MYOM1: variants seen among roughly 807,000 people sequenced by gnomAD.
MYOM1 encodes myomesin-1.
MYOM1 carries 164 observed loss-of-function variants against 205.3 expected under a neutral mutation model. The observed-to-expected ratio is 0.80, with a 90% CI of 0.70 to 0.91. The LOEUF (loss-of-function observed/expected upper bound fraction) is 0.91, where lower values mean the gene tolerates loss of function less well. Among genes scored for constraint, MYOM1 ranks in the 40% least tolerant of loss-of-function variants. The pLI is 0.00. For synonymous variants in MYOM1, 772 were observed against 789.4 expected, an observed-to-expected ratio of 0.98 and a Z score of 0.37; for missense variants, 2,011 against 2,127.3, an observed-to-expected ratio of 0.95 and a Z score of 1.08.
intron 13 of MYOM1, among the ~76,000 whole-genome samples, chr18:3,145,116 C>T (rs1194331433): frequency 6.6e-6 from 1 of 152,106 alleles, no homozygotes; most frequent in Non-Finnish European, 1.5e-5. Flanking sequence ...CGAGACCAGC[C>T]TGGCCAACAT....
chr18:3,111,635 T>C (rs1360357518), intron 22 of MYOM1, among the ~76,000 whole-genome samples: 2 of 152,182 alleles, frequency 1.3e-5, no homozygotes, highest in African/African-American at 2.4e-5. Context: ...CACAGGAAAA[T>C]TATACAAGAT....
chr18:3,073,775 C>T (rs1030850647), intron 36 of MYOM1, among the ~76,000 whole-genome samples: 1 of 152,220 alleles, frequency 6.6e-6, no homozygotes, highest in South Asian at 2.1e-4. Flanking sequence ...GAATTTGCAC[C>T]TTATGCAGGG....
chr18:3,171,444 C>T (rs1432475695), intron 8 of MYOM1, among the ~76,000 whole-genome samples: 3 of 152,142 alleles, frequency 2.0e-5, no homozygotes, highest in Non-Finnish European at 2.9e-5. Flanking sequence ...GACCTAACTT[C>T]TAGGTTCTCT....
rs919389312 is a variant in MYOM1, at chr18:3,089,185, A to G, written c.4126T>C (p.Leu1376=). Residue 1376 remains leucine, a synonymous_variant, in exon 29 of 38, where the codon TTG becomes CTG. Transcript: ENST00000356443. The stretch of plus-strand genomic sequence containing the variant: ...TATCTACCTCTTACCTTGCATTTCA[A>G]TAGTACATTACATTCACCAGTCACT... ...WEVTGECNVL[L]KCKVANIKKE... The G allele has an allele frequency of 1.2e-6, 2 of 1,610,106 alleles. No individual in the cohort carries two copies. Among genetic ancestry groups the G allele is most frequent in the African/African-American group, 1.3e-5 (1 of 74,970 alleles).
At chr18:3,083,427 C>CTTTTTTTTTTTTTTTTTTTTTTTTTT (rs35959808) in intron 33 of MYOM1, among the ~76,000 whole-genome samples, 14 of 98,526 alleles carry the variant, frequency 1.4e-4, no homozygotes, top group Non-Finnish European at 1.7e-4. Flanking sequence ...TTTTCTTTTT[C>CTTTTTTTTTTTTTTTTTTTTTTTTTT]TTTTTTTTTT....
At chr18:3,208,668 A>G (rs1236105063) in intron 2 of MYOM1, among the ~76,000 whole-genome samples, 1 of 152,182 alleles carries the variant, frequency 6.6e-6, no homozygotes, top group Non-Finnish European at 1.5e-5. Flanking sequence ...TGGAAGACAA[A>G]CCTTAGAATA....
At chr18:3,213,435 T>C (rs867474057) in intron 2 of MYOM1, among the ~76,000 whole-genome samples, 2 of 152,240 alleles carry the variant, frequency 1.3e-5, no homozygotes, top group African/African-American at 2.4e-5. Flanking sequence ...GGACTCTAGA[T>C]AGATTTTAAA....
At chr18:3,075,588 A>G (rs747500771) in intron 35 of MYOM1, 112 bp from the exon 36 acceptor site, 1 of 1,432,084 alleles carries the variant, frequency 7.0e-7, no homozygotes, top group Non-Finnish European at 9.9e-7. Flanking sequence ...GCTGTTCAAT[A>G]TAACAATGGG....
intron 2 of MYOM1, among the ~76,000 whole-genome samples, chr18:3,200,464 G>A (rs1326914935): frequency 6.6e-6 from 1 of 151,936 alleles, no homozygotes; most frequent in Non-Finnish European, 1.5e-5. Flanking sequence ...AAAAACTGAA[G>A]GAAACCATGT....
the MYOM1 span, among the ~76,000 whole-genome samples, chr18:3,235,633 C>T: frequency 6.6e-6 from 1 of 152,176 alleles, no homozygotes; most frequent in South Asian, 2.1e-4. Context: ...GCCAACTACT[C>T]TTCTGGACCT....
At chr18:3,107,061 G>A (rs1039018441) in intron 22 of MYOM1, among the ~76,000 whole-genome samples, 7 of 152,052 alleles carry the variant, frequency 4.6e-5, no homozygotes, top group African/African-American at 1.4e-4. Flanking sequence ...TTAAATAAAT[G>A]AACAATAAAG....
chr18:3,177,605 G>C (rs1353906963), intron 5 of MYOM1, among the ~76,000 whole-genome samples: 2 of 151,996 alleles, frequency 1.3e-5, no homozygotes, highest in African/African-American at 4.8e-5. Flanking sequence ...CCCAGTAGCT[G>C]GGATTACAGG....
At position 3,100,531 on chromosome 18, in the gene MYOM1, C is replaced by T. The variant is rs1266411702; in HGVS notation, c.3576-105G>A. 3 of 750,208 alleles carry T rather than the reference C, an allele frequency of 4.0e-6. No individual in the cohort carries two copies. In the Admixed American group the frequency reaches 6.4e-5, roughly 16 times the overall value. The allele number at this position is 750,208 out of a possible 1,614,324, so 46.5% of individuals were successfully genotyped here. On this transcript the variant is annotated intron_variant, in intron 23 of 37. Coordinates refer to ENST00000356443, the MANE Select transcript of MYOM1 (RefSeq NM_003803.4). ...GTGTATACTACTCCTTTCATCTGGACACCTCCTCTCATCTTGCTGAGCTAC... is the reference window on the plus strand; with the variant it reads ...GTGTATACTACTCCTTTCATCTGGATACCTCCTCTCATCTTGCTGAGCTAC...
At chr18:3,142,431 C>CA (rs200360508) in intron 13 of MYOM1, among the ~76,000 whole-genome samples, 24 of 150,858 alleles carry the variant, frequency 1.6e-4, no homozygotes, top group East Asian at 3.9e-4. Flanking sequence ...CTACATAATT[C>CA]AAAAAAAAAT....
chr18:3,163,912 G>C (rs1369019361), intron 10 of MYOM1, among the ~76,000 whole-genome samples: 1 of 151,596 alleles, frequency 6.6e-6, no homozygotes, highest in Non-Finnish European at 1.5e-5. Flanking sequence ...GAGTGCAGTG[G>C]TGCAATCACA....
intron 2 of MYOM1, among the ~76,000 whole-genome samples, chr18:3,194,651 T>G (rs1280690025): frequency 6.6e-6 from 1 of 152,086 alleles, no homozygotes; most frequent in East Asian, 1.9e-4. Flanking sequence ...AGAGCAGAGA[T>G]AGCAGAGGAA....
Position 3,079,229 on chromosome 18 carries a change from A to T in MYOM1, c.4598T>A (p.Leu1533His), listed in dbSNP as rs768704674. The T allele has an allele frequency of 1.2e-6, 2 of 1,613,922 alleles. No individual in the cohort carries two copies. The highest frequency in any genetic ancestry group is 1.7e-6 in the Non-Finnish European group (2 of 1,179,864). The change falls in exon 34 of 38, where the codon CTC (leucine) becomes CAC (histidine). Residue 1533 changes from leucine to histidine, a missense_variant. Physicochemically the swap from Leu to His is moderately conservative, Grantham distance 99. Coordinates refer to ENST00000356443, the MANE Select transcript of MYOM1 (RefSeq NM_003803.4). ...PNDKGKYVMELFDGKTGHQKT... is the reference protein window; with the variant it reads ...PNDKGKYVMEHFDGKTGHQKT... ...CTGATGTCCAGTTTTGCCATCAAAG[A>T]GCTCCATGACATACTTCCCTTTGTC...
chr18:3,119,732 T>C (rs1392155785), intron 20 of MYOM1, 137 bp downstream of exon 20: 16 of 1,082,312 alleles, frequency 1.5e-5, no homozygotes, highest in Non-Finnish European at 2.0e-5. Context: ...TAAAATATTT[T>C]AGGTAAACAC....
In MYOM1 at chr18:3,086,078, T is replaced by C. The variant is rs980539903; in HGVS notation, c.4211A>G (p.His1404Arg). ...DEREISVDEK[H>R]DFKDGICTLL... ...GGTACATATACCATCCTTAAAGTCATGCTTTTCATCCACTGATATCTCCCT... is the reference window on the plus strand; with the variant it reads ...GGTACATATACCATCCTTAAAGTCACGCTTTTCATCCACTGATATCTCCCT... The change falls in exon 30 of 38, where the codon CAT becomes CGT. Residue 1404 changes from histidine (H) to arginine (R), a missense_variant. Physicochemically the swap from His to Arg is conservative, Grantham distance 29 (BLOSUM62 0). Coordinates refer to ENST00000356443, the MANE Select transcript of MYOM1 (RefSeq NM_003803.4). 6.2e-7 allele frequency: 1 copy of C among 1,611,630 alleles called. No homozygotes were observed. The highest frequency in any genetic ancestry group is 8.5e-7 in the Non-Finnish European group (1 of 1,179,180).
Sources: allele counts gnomAD v4.1 joint callset (sites outside exome capture counted in the v4.1 genomes callset), GRCh38; gene constraint gnomAD v4.1.1; transcripts MANE v1.5; gene names NCBI Gene and HGNC (gene_info 2026-07-23, HGNC 2026-07-21).